Variants in NFIA observed in about 807,000 individuals in gnomAD.
The protein encoded by NFIA is nuclear factor 1 A-type.
A neutral mutation model predicts 62.8 loss-of-function variants in NFIA; 8 were observed. The ratio of observed to expected loss-of-function variants is 0.13; its 90% CI spans 0.07 to 0.23. The LOEUF (loss-of-function observed/expected upper bound fraction) is 0.23, where lower values mean the gene tolerates loss of function less well. Among genes scored for constraint, NFIA ranks in the 10% least tolerant of loss-of-function variants. The pLI is 1.00. For missense variants in NFIA, 410 were observed against 642.1 expected, an observed-to-expected ratio of 0.64 and a Z score of 3.91; for synonymous variants, 235 against 238.1, an observed-to-expected ratio of 0.99 and a Z score of 0.12.
chr1:61,140,510 G>GT (rs1393351161), intron 2 of NFIA, among the ~76,000 whole-genome samples: 1 of 151,946 alleles, frequency 6.6e-6, no homozygotes, highest in Non-Finnish European at 1.5e-5. Flanking sequence ...AAATTATCAT[G>GT]TTTTCTATGT....
chr1:61,124,163 T>C (rs1557581820), intron 2 of NFIA, among the ~76,000 whole-genome samples: 2 of 152,212 alleles, frequency 1.3e-5, no homozygotes, highest in Non-Finnish European at 2.9e-5. Context: ...GTTCTTGTTC[T>C]AGCTGTGTAT....
intron 2 of NFIA, among the ~76,000 whole-genome samples, chr1:61,207,413 T>C (rs1652970587): frequency 6.6e-6 from 1 of 152,200 alleles, no homozygotes; most frequent in Admixed American, 6.5e-5. Flanking sequence ...TTCTTCCTTT[T>C]TTTATTGTTT....
intron 2 of NFIA, chr1:61,253,502 T>A (rs566679658): frequency 1.3e-4 from 20 of 152,428 alleles, no homozygotes; most frequent in African/African-American, 4.8e-4. Context: ...CATGGTGAAC[T>A]TGAGCTTCTC....
At chr1:61,449,201 G>A (rs956124464) in intron 10 of NFIA, among the ~76,000 whole-genome samples, 1 of 152,310 alleles carries the variant, frequency 6.6e-6, no homozygotes, top group East Asian at 1.9e-4. Flanking sequence ...GGAGACTTGT[G>A]TCCCTCGAGG....
Position 61,404,219 on chromosome 1 carries a change from A to G in NFIA, c.1191A>G (p.Lys397=). 3 of 1,614,230 alleles carry G rather than the reference A, an allele frequency of 1.9e-6. No homozygotes were observed. The change falls in exon 8 of 11, where the codon AAA becomes AAG. Residue 397 remains lysine (K), a synonymous_variant. Transcript: ENST00000403491. The part of the protein sequence containing the change: ...AIRYHPQETL[K]EFVQLVCPDA... ...GCTATCACCCTCAGGAGACGCTGAA[A>G]GAATTTGTCCAACTTGTCTGCCCTG...
chr1:61,361,784 TGTGTG>T (rs1367048890), intron 6 of NFIA, among the ~76,000 whole-genome samples: 3 of 3,568 alleles, frequency 8.4e-4, no homozygotes, highest in African/African-American at 2.0e-3. Flanking sequence ...TGGTAAGAGG[TGTGTG>T]TGTGTGTGTG....
chr1:61,238,639 C>T (rs943641584), intron 2 of NFIA, among the ~76,000 whole-genome samples: 3 of 152,104 alleles, frequency 2.0e-5, no homozygotes, highest in Non-Finnish European at 4.4e-5. Flanking sequence ...CTGAGAAGAC[C>T]TAAGTTTGGC....
intron 2 of NFIA, among the ~76,000 whole-genome samples, chr1:61,221,435 G>T (rs1027277809): frequency 6.6e-6 from 1 of 151,984 alleles, no homozygotes; most frequent in Admixed American, 6.6e-5. Context: ...AAGAAGGAAG[G>T]AATTTAAGTT....
intron 2 of NFIA, among the ~76,000 whole-genome samples, chr1:61,177,893 C>T (rs1243333038): frequency 6.6e-6 from 1 of 152,112 alleles, no homozygotes. Flanking sequence ...GCAAATCAAC[C>T]TTGGGAAGTT....
intron 2 of NFIA, among the ~76,000 whole-genome samples, chr1:61,190,718 A>C (rs1651558311): frequency 2.0e-5 from 3 of 152,270 alleles, no homozygotes; most frequent in Non-Finnish European, 4.4e-5. Flanking sequence ...GTGGGAAATC[A>C]GGGTCCAGGA....
chr1:61,161,586 AACACACACACACACAC>A (rs56383204), intron 2 of NFIA, among the ~76,000 whole-genome samples: 3 of 149,360 alleles, frequency 2.0e-5, no homozygotes, highest in Non-Finnish European at 3.0e-5. Flanking sequence ...CGCCATGTGC[AACACACACACACACAC>A]ACACACACAC....
chr1:61,457,200 A>T lies in NFIA; in HGVS notation c.*1880A>T, dbSNP rs543348853. 1 of 152,296 alleles carries T rather than the reference A, an allele frequency of 6.6e-6. No individual in the cohort carries two copies. Among genetic ancestry groups the T allele is most frequent in the African/African-American group, 2.4e-5 (1 of 41,566 alleles). 9.4% of individuals were successfully genotyped at this position (152,296 alleles called of 1,614,324 possible). On this transcript the variant is annotated 3_prime_UTR_variant, in exon 11 of 11. Coordinates refer to ENST00000403491, the MANE Select transcript of NFIA (RefSeq NM_001134673.4). The surrounding 1 kb of genome is among the most constrained non-coding windows in gnomAD (Gnocchi z 4.2). ...TGCTCCTCATCTTTCTCCCCGAAAC[A>T]ATGTTGTTTTGTTTTGTTTTTTTTC...
chr1:61,123,314 G>C (rs1391433597), intron 2 of NFIA, among the ~76,000 whole-genome samples: 1 of 143,334 alleles, frequency 7.0e-6, no homozygotes, highest in Non-Finnish European at 1.6e-5. Flanking sequence ...AGTGCAGAGG[G>C]TACAGAGAGA....
intron 2 of NFIA, among the ~76,000 whole-genome samples, chr1:61,106,906 T>C (rs1352664910): frequency 6.6e-6 from 1 of 151,480 alleles, no homozygotes; most frequent in Non-Finnish European, 1.5e-5. Context: ...TTTGCTTGTT[T>C]TTTTAAGTTT....
rs1445865799 is a variant in NFIA at position 61,276,907 on chromosome 1, G to GA, written c.560-606dup. Among the ~76,000 whole-genome samples, 5 of 152,134 alleles carry GA rather than the reference G, an allele frequency of 3.3e-5. No individual in the cohort carries two copies. In the South Asian group the frequency reaches 6.2e-4, roughly 19 times the overall value. On this transcript the variant is annotated intron_variant, in intron 2 of 10. Coordinates refer to ENST00000403491, the MANE Select transcript of NFIA (RefSeq NM_001134673.4). ...GGATCTCCCAAATGCATCAGTACAA[G>GA]AAAAAAATAATTCTTATAAAGCAGG... is the stretch of plus-strand genomic sequence containing the variant.
At chr1:61,260,969 A>G (rs1656738845) in intron 2 of NFIA, among the ~76,000 whole-genome samples, 1 of 152,108 alleles carries the variant, frequency 6.6e-6, no homozygotes, top group Non-Finnish European at 1.5e-5. Flanking sequence ...TTCTAAAGTT[A>G]TTTAGTGTTT....
At chr1:61,175,977 C>G (rs918098802) in intron 2 of NFIA, among the ~76,000 whole-genome samples, 1 of 152,152 alleles carries the variant, frequency 6.6e-6, no homozygotes, top group Non-Finnish European at 1.5e-5. Context: ...TCTTTCTGCA[C>G]GAGACCCCAT....
intron 3 of NFIA, among the ~76,000 whole-genome samples, chr1:61,290,140 T>C (rs531478951): frequency 6.6e-6 from 1 of 152,180 alleles, no homozygotes; most frequent in South Asian, 2.1e-4. Context: ...TTAATAGATA[T>C]TTTTAAACAA....
chr1:61,125,165 G>A (rs1646947049), intron 2 of NFIA: 1 of 152,164 alleles, frequency 6.6e-6, no homozygotes, highest in Non-Finnish European at 1.5e-5. Context: ...AAGATCTTTT[G>A]TAAGCCCATG....
Sources: allele counts gnomAD v4.1 joint callset (sites outside exome capture counted in the v4.1 genomes callset), GRCh38; gene constraint gnomAD v4.1.1; non-coding constraint Gnocchi (gnomAD v3.1); transcripts MANE v1.5; gene names NCBI Gene and HGNC (gene_info 2026-07-23, HGNC 2026-07-21).